MB21D2: variants seen among roughly 807,000 people sequenced by gnomAD.
MB21D2 encodes nucleotidyltransferase MB21D2.
MB21D2 carries 9 observed loss-of-function variants against 33.3 expected under a neutral mutation model. The ratio of observed to expected loss-of-function variants is 0.27; its 90% CI spans 0.16 to 0.47. The LOEUF (loss-of-function observed/expected upper bound fraction) is 0.47. Ranked by LOEUF, MB21D2 falls within the 20% of genes least tolerant of loss-of-function variation. The pLI, the probability that MB21D2 is intolerant of heterozygous loss-of-function variation, is 0.99. For missense variants in MB21D2, 540 were observed against 624.6 expected (o/e 0.86, Z 1.44); for synonymous variants, 241 against 236.3 (o/e 1.02, Z -0.18).
At chr3:192,830,291 GA>G (rs1384727126) in intron 1 of MB21D2, among the ~76,000 whole-genome samples, 1 of 151,530 alleles carries the variant, frequency 6.6e-6, no homozygotes, top group African/African-American at 2.4e-5. Flanking sequence ...GGAGAGAGGA[GA>G]AAAAAGATGA....
intron 1 of MB21D2, among the ~76,000 whole-genome samples, chr3:192,815,436 A>G (rs992865152): frequency 6.6e-5 from 10 of 152,228 alleles, no homozygotes; most frequent in African/African-American, 2.4e-4. Context: ...GGATGGAAGC[A>G]TAATCTCCAA....
At chr3:192,900,665 G>A (rs1407065730) in intron 1 of MB21D2, among the ~76,000 whole-genome samples, 2 of 151,742 alleles carry the variant, frequency 1.3e-5, no homozygotes, top group East Asian at 1.9e-4. Flanking sequence ...TGCACAGGCC[G>A]GGCGCGGTGG....
intron 1 of MB21D2, among the ~76,000 whole-genome samples, chr3:192,801,187 A>G (rs1213371419): frequency 6.6e-6 from 1 of 152,236 alleles, no homozygotes; most frequent in Non-Finnish European, 1.5e-5. Flanking sequence ...ATAAATTCTT[A>G]AAGGCTAGAC....
chr3:192,843,653 G>C (rs1015847406), intron 1 of MB21D2, among the ~76,000 whole-genome samples: 2 of 152,168 alleles, frequency 1.3e-5, no homozygotes, highest in African/African-American at 2.4e-5. Context: ...TCAGGGAAGA[G>C]AGAGTCCCTC....
intron 1 of MB21D2, among the ~76,000 whole-genome samples, chr3:192,903,979 G>A (rs1714154689): frequency 6.6e-6 from 1 of 152,120 alleles, no homozygotes; most frequent in South Asian, 2.1e-4. Context: ...GCAGAACTGT[G>A]AGCCAATTAA....
At chr3:192,903,696 A>T (rs1164995681) in intron 1 of MB21D2, among the ~76,000 whole-genome samples, 1 of 152,220 alleles carries the variant, frequency 6.6e-6, no homozygotes, top group African/African-American at 2.4e-5. Context: ...CCCCAGAGTT[A>T]GAGGCGGGCC....
At chr3:192,869,280 A>AGGAAGGAGGGGAGGAGGGGAGGAG in intron 1 of MB21D2, among the ~76,000 whole-genome samples, 4 of 69,314 alleles carry the variant, frequency 5.8e-5, no homozygotes, top group Non-Finnish European at 1.0e-4. Context: ...GAAGGAAGGA[A>AGGAAGGAGGGGAGGAGGGGAGGAG]GGAAGGAGGG....
At chr3:192,877,611 T>C (rs1713459903) in intron 1 of MB21D2, among the ~76,000 whole-genome samples, 1 of 152,240 alleles carries the variant, frequency 6.6e-6, no homozygotes, top group African/African-American at 2.4e-5. Context: ...TCTAGAGGTT[T>C]TCCCATGGTG....
At chr3:192,876,240 T>C (rs1269763593) in intron 1 of MB21D2, among the ~76,000 whole-genome samples, 1 of 152,330 alleles carries the variant, frequency 6.6e-6, no homozygotes, top group South Asian at 2.1e-4. Context: ...TTTGGCTCTC[T>C]GTAGTCCTTT....
In MB21D2 at chr3:192,917,696, G is replaced by T. The variant is rs1360839243; in HGVS notation, c.145C>A (p.Arg49=). The part of the protein sequence containing the change: ...LIQEFTKHDQ[R]EYDDQRALEI... ...AGCGCTCTCTGGTCGTCGTATTCCC[G>T]CTGGTCGTGCTTCGTAAATTCTTGG... Residue 49 remains arginine (R), a synonymous_variant, in exon 1 of 2, where the codon CGG becomes AGG. Transcript: ENST00000392452. 6.2e-7 allele frequency: 1 copy of T among 1,614,170 alleles called. No individual in the cohort carries two copies. The highest frequency in any genetic ancestry group is 1.1e-5 in the South Asian group (1 of 91,074).
chr3:192,816,112 G>T (rs1298955747), intron 1 of MB21D2, among the ~76,000 whole-genome samples: 1 of 152,048 alleles, frequency 6.6e-6, no homozygotes, highest in Non-Finnish European at 1.5e-5. Flanking sequence ...TGAATTGAGA[G>T]ACGACGACAG....
chr3:192,835,430 T>G (rs1214983918), intron 1 of MB21D2, among the ~76,000 whole-genome samples: 4 of 121,460 alleles, frequency 3.3e-5, no homozygotes, highest in African/African-American at 1.3e-4. Flanking sequence ...CACTCCAGCC[T>G]GGGCGACACA....
intron 1 of MB21D2, among the ~76,000 whole-genome samples, chr3:192,826,097 A>G (rs1712168145): frequency 6.6e-6 from 1 of 152,196 alleles, no homozygotes; most frequent in Non-Finnish European, 1.5e-5. Context: ...CTCCTACACT[A>G]TTCACGAGGA....
chr3:192,844,402 C>CA (rs1712638525), intron 1 of MB21D2, among the ~76,000 whole-genome samples: 1 of 152,212 alleles, frequency 6.6e-6, no homozygotes, highest in African/African-American at 2.4e-5. Flanking sequence ...GTGGTTGTTT[C>CA]AGAGGCAGAA....
chr3:192,872,575 C>CA (rs35532898), intron 1 of MB21D2, among the ~76,000 whole-genome samples: 113 of 127,784 alleles, frequency 8.8e-4, no homozygotes, highest in Middle Eastern at 8.3e-3. Context: ...GACTCCGTCT[C>CA]AAAAAAAAAA....
chr3:192,822,418 T>C (rs570197434), intron 1 of MB21D2, among the ~76,000 whole-genome samples: 17 of 152,310 alleles, frequency 1.1e-4, no homozygotes, highest in Non-Finnish European at 1.9e-4. Flanking sequence ...ATTAATAGTA[T>C]AGGAACTCAC....
chr3:192,820,192 A>C (rs1712013483), intron 1 of MB21D2, among the ~76,000 whole-genome samples: 1 of 152,192 alleles, frequency 6.6e-6, no homozygotes. Flanking sequence ...ATAAAAGTAC[A>C]CACCCCCCAG....
At chr3:192,914,180 T>C (rs1377018132) in intron 1 of MB21D2, among the ~76,000 whole-genome samples, 1 of 152,178 alleles carries the variant, frequency 6.6e-6, no homozygotes, top group Non-Finnish European at 1.5e-5. Flanking sequence ...TACCATCTAT[T>C]AGCTTTGTGA....
At chr3:192,825,574 G>T (rs888161850) in intron 1 of MB21D2, among the ~76,000 whole-genome samples, 1 of 152,206 alleles carries the variant, frequency 6.6e-6, no homozygotes, top group Non-Finnish European at 1.5e-5. Context: ...TCTGCAAGTG[G>T]AATTTAAATA....
Sources: allele counts gnomAD v4.1 joint callset (sites outside exome capture counted in the v4.1 genomes callset), GRCh38; gene constraint gnomAD v4.1.1; transcripts MANE v1.5; gene names NCBI Gene and HGNC (gene_info 2026-07-23, HGNC 2026-07-21).